The following SIGLEC12 variants were observed in gnomAD, a reference collection of about 807,000 sequenced individuals.
SIGLEC12 encodes sialic acid-binding Ig-like lectin 12.
A neutral mutation model predicts 54.1 loss-of-function variants in SIGLEC12; 43 were observed. The ratio of observed to expected loss-of-function variants is 0.80; its 90% confidence interval spans 0.62 to 1.03. SIGLEC12 has a LOEUF of 1.03. Among genes scored for constraint, SIGLEC12 ranks in the 50% least tolerant of loss-of-function variants. The probability of loss-of-function intolerance (pLI) is 0.00; values close to 1 mark genes in which losing one functional copy is unlikely to be tolerated. For synonymous variants in SIGLEC12, 357 were observed against 307.6 expected, an observed-to-expected ratio of 1.16 and a Z score of -1.68; for missense variants, 802 against 735.2, an observed-to-expected ratio of 1.09 and a Z score of -1.05.
rs1197446197 is a variant in SIGLEC12, at chr19:51,499,721, T to G, written c.809-5A>C. On this transcript the variant is annotated splice_region_variant and splice_polypyrimidine_tract_variant and intron_variant, in intron 2 of 7. Transcript: ENST00000291707. ...AGGTGGGCATGTGAGTCAGGGCTGG[T>G]GATGAAAGGGAGACAGGCAAAATGA... is the stretch of plus-strand genomic sequence containing the variant. 1.2e-6 allele frequency: 2 copies of G among 1,613,220 alleles called. No homozygotes were observed. The highest frequency in any genetic ancestry group is 1.7e-6 in the Non-Finnish European group (2 of 1,179,748).
chr19:51,497,850 C>T (rs1251926206), intron 5 of SIGLEC12, among the ~76,000 whole-genome samples, 168 bp downstream of exon 5: 14 of 152,182 alleles, frequency 9.2e-5, no homozygotes, highest in Non-Finnish European at 2.9e-5. Context: ...GTCCAGGCCC[C>T]AGCTCCTCCC....
chr19:51,496,933 C>A lies in SIGLEC12; in HGVS notation c.1546G>T (p.Val516Leu). The change falls in exon 7 of 8, where the codon GTG becomes TTG. Residue 516 changes from valine to leucine, a missense_variant. By Grantham distance (32) the Val-to-Leu change is conservative. Transcript: ENST00000291707. Reference protein sequence around the residue: ...RKKSARPAVGVGDTGMEDANA... With the variant: ...RKKSARPAVGLGDTGMEDANA... ...GCGTCCTCCATGCCTGTATCCCCCACGCCCACTGCTGGCCTTGCCGATTTC... is the reference window on the plus strand; with the variant it reads ...GCGTCCTCCATGCCTGTATCCCCCAAGCCCACTGCTGGCCTTGCCGATTTC... The A allele has an allele frequency of 1.9e-6, 3 of 1,613,750 alleles. No individual in the cohort carries two copies. The highest frequency in any genetic ancestry group is 2.5e-6 in the Non-Finnish European group (3 of 1,180,004).
At position 51,497,998 on chromosome 19, in the gene SIGLEC12, C is replaced by T; in HGVS notation, c.1405+20G>A. 2 of 1,613,628 alleles carry T rather than the reference C, an allele frequency of 1.2e-6. No individual in the cohort carries two copies. The highest frequency in any genetic ancestry group is 1.7e-6 in the Non-Finnish European group (2 of 1,179,666). On this transcript the variant is annotated intron_variant, in intron 5 of 7. Coordinates refer to ENST00000291707, the MANE Select transcript of SIGLEC12 (RefSeq NM_053003.4). Reference sequence around the variant, plus strand: ...GGTGGGACATGTGTGTTCTCCTCCTCCAGACCCTCCCCTACCCACCTGTGT... The same window carrying T: ...GGTGGGACATGTGTGTTCTCCTCCTTCAGACCCTCCCCTACCCACCTGTGT...
chr19:51,499,820 C>G, intron 2 of SIGLEC12, 100 bp downstream of exon 2: 1 of 1,552,048 alleles, frequency 6.4e-7, no homozygotes. Flanking sequence ...GCCAGATATG[C>G]TTCACCTCCA....
In SIGLEC12 at chr19:51,499,652, C is replaced by T. The variant is rs772013877; in HGVS notation, c.873G>A (p.Leu291=). 5.6e-6 allele frequency: 9 copies of T among 1,613,952 alleles called. No individual in the cohort carries two copies. The East Asian group carries it at 1.8e-4, about 32-fold the overall frequency. The change falls in exon 3 of 8, where the codon CTG becomes CTA. Residue 291 remains leucine (L), a synonymous_variant. Coordinates refer to ENST00000291707, the MANE Select transcript of SIGLEC12 (RefSeq NM_053003.4). Reference sequence around the variant, plus strand: ...CACAGGCCCAGGGCACAGAGCAGGTCAGGTTCCTGGGGTGGCCAGACTCCA... The same window carrying T: ...CACAGGCCCAGGGCACAGAGCAGGTTAGGTTCCTGGGGTGGCCAGACTCCA... The part of the protein sequence containing the change: ...GTLESGHPRN[L]TCSVPWACEQ...
intron 7 of SIGLEC12, among the ~76,000 whole-genome samples, chr19:51,493,576 A>T (rs988294054): frequency 1.3e-5 from 2 of 152,034 alleles, no homozygotes; most frequent in Non-Finnish European, 2.9e-5. Flanking sequence ...TTTTTTGCAC[A>T]ATCTTTTCTG....
chr19:51,499,920 C>T lies in SIGLEC12; in HGVS notation c.808G>A (p.Ala270Thr). 1 of 1,605,022 alleles carries T rather than the reference C, an allele frequency of 6.2e-7. No homozygotes were observed. Among genetic ancestry groups the T allele is most frequent in the Non-Finnish European group, 8.5e-7 (1 of 1,174,642 alleles). Reference protein sequence around the residue: ...IYDKLSVHVTALTHMPTFSIP... With the variant: ...IYDKLSVHVTTLTHMPTFSIP... ...GCTGGTCCTAGAGCCAGAGATTTAC[C>T]TGTCACATGCACAGAGAGCTTGTCA... is the stretch of plus-strand genomic sequence containing the variant. The change falls in exon 2 of 8, where the codon GCC (alanine) becomes ACC (threonine). Residue 270 changes from alanine (A) to threonine (T), a missense_variant and splice_region_variant. By Grantham distance (58) the Ala-to-Thr change is moderately conservative. Coordinates refer to ENST00000291707, the MANE Select transcript of SIGLEC12 (RefSeq NM_053003.4).
chr19:51,491,624 T>G lies in SIGLEC12; in HGVS notation c.*17A>C, dbSNP rs766361523. ...GGGGTCGTGAGCCCTCAAACAGGCC[T>G]GAGTCTCTGCAGTTTCTCACTTGGG... On this transcript the variant is annotated 3_prime_UTR_variant, in exon 8 of 8. Coordinates refer to ENST00000291707, the MANE Select transcript of SIGLEC12 (RefSeq NM_053003.4). The G allele has an allele frequency of 1.2e-6, 2 of 1,613,594 alleles. No homozygotes were observed. The highest frequency in any genetic ancestry group is 8.5e-7 in the Non-Finnish European group (1 of 1,179,700).
chr19:51,497,128 C>G (rs1328418901), intron 6 of SIGLEC12, 152 bp from the exon 7 acceptor site: 2 of 1,300,298 alleles, frequency 1.5e-6, no homozygotes, highest in African/African-American at 3.0e-5. Context: ...ATGTCGAAAA[C>G]AGAGGCTCTT....
At chr19:51,496,091 A>G (rs1315363954) in intron 7 of SIGLEC12, among the ~76,000 whole-genome samples, 1 of 152,230 alleles carries the variant, frequency 6.6e-6, no homozygotes, top group Non-Finnish European at 1.5e-5. Context: ...CCCAGAGCAC[A>G]AAATTAAAAG....
chr19:51,500,962 G>T (rs1009782854), intron 1 of SIGLEC12, among the ~76,000 whole-genome samples: 2 of 152,144 alleles, frequency 1.3e-5, no homozygotes, highest in Non-Finnish European at 2.9e-5. Flanking sequence ...GGGTGGGGTG[G>T]GTGCTTCTGG....
At position 51,501,707 on chromosome 19, in the gene SIGLEC12, T is replaced by C. The variant is rs1990403784; in HGVS notation, c.27A>G (p.Pro9=). MLLLLLLL[P]PLLCGRVGAK... is the part of the protein sequence containing the mutation. ...CCCCCACTCTCCCACAGAGCAGGGG[T>C]GGCAGCAGTAGCAGCAGCAGTAGCA... The change falls in exon 1 of 8, where the codon CCA becomes CCG. Residue 9 remains proline (P), a synonymous_variant. Coordinates refer to ENST00000291707, the MANE Select transcript of SIGLEC12 (RefSeq NM_053003.4). 1.2e-6 allele frequency: 2 copies of C among 1,610,900 alleles called. No individual in the cohort carries two copies. The highest frequency in any genetic ancestry group is 3.3e-5 in the Admixed American group (2 of 59,864).
In SIGLEC12 at chr19:51,501,798, A is replaced by C; in HGVS notation, c.-65T>G. The C allele has an allele frequency of 6.8e-7, 1 of 1,470,408 alleles. No individual in the cohort carries two copies. The highest frequency in any genetic ancestry group is 9.1e-7 in the Non-Finnish European group (1 of 1,104,620). 91.1% of individuals were successfully genotyped at this position (1,470,408 alleles called of 1,614,324 possible). ...GTTCCTCAGGGTTCTTCTCTCAGGA[A>C]CTGAGAACTCAAGATTTCGAGGAAG... is the stretch of plus-strand genomic sequence containing the variant. On this transcript the variant is annotated 5_prime_UTR_variant, in exon 1 of 8. Coordinates refer to ENST00000291707, the MANE Select transcript of SIGLEC12 (RefSeq NM_053003.4).
rs1413685468 is a variant in SIGLEC12, at chr19:51,495,351, GGACA to G, written c.1599+1525_1599+1528del. Reference sequence around the variant, plus strand: ...TGGATGGATGGATGGATGGATGGATGGACAGACGGGTGGGTGGATGGATGGATGG... The same window carrying G: ...TGGATGGATGGATGGATGGATGGATGGACGGGTGGGTGGATGGATGGATGG... On this transcript the variant is annotated intron_variant, in intron 7 of 7. Transcript: ENST00000291707. 6.2e-3 allele frequency among the ~76,000 whole-genome samples: 522 copies of G among 84,478 alleles called. 32 individuals are homozygous for G. The highest frequency in any genetic ancestry group is 0.014 in the African/African-American group (319 of 23,314). 55.4% of individuals were successfully genotyped at this position (84,478 alleles called of 152,430 possible). A position where few individuals can be genotyped will look rare whatever the true frequency, so the allele number is the denominator to read the frequency against.
chr19:51,498,211 G>A lies in SIGLEC12; in HGVS notation c.1212C>T (p.Asp404=). 6.2e-7 allele frequency: 1 copy of A among 1,614,170 alleles called. No homozygotes were observed. The highest frequency in any genetic ancestry group is 8.5e-7 in the Non-Finnish European group (1 of 1,179,996). Residue 404 remains aspartate (D), a synonymous_variant, in exon 5 of 8, where the codon GAC becomes GAT. Coordinates refer to ENST00000291707, the MANE Select transcript of SIGLEC12 (RefSeq NM_053003.4). ...AGCTCAGCCTGGCAGGGGGATTGCTGTCGACAGCACAGACAAGGTGCAGGG... is the reference window on the plus strand; with the variant it reads ...AGCTCAGCCTGGCAGGGGGATTGCTATCGACAGCACAGACAAGGTGCAGGG... ...GQSLHLVCAV[D]SNPPARLSWT... is the part of the protein sequence containing the mutation.
rs1245078229 is a variant in SIGLEC12, at chr19:51,501,797, A to C, written c.-64T>G. 3 of 1,471,466 alleles carry C rather than the reference A, an allele frequency of 2.0e-6. No homozygotes were observed. Among genetic ancestry groups the C allele is most frequent in the Admixed American group, 4.7e-5 (2 of 42,302 alleles). The allele number at this position is 1,471,466 out of a possible 1,614,324, so 91.2% of individuals were successfully genotyped here. A position where few individuals can be genotyped will look rare whatever the true frequency, so the allele number is the denominator to read the frequency against. On this transcript the variant is annotated 5_prime_UTR_variant, in exon 1 of 8. Coordinates refer to ENST00000291707, the MANE Select transcript of SIGLEC12 (RefSeq NM_053003.4). Reference sequence around the variant, plus strand: ...TGTTCCTCAGGGTTCTTCTCTCAGGAACTGAGAACTCAAGATTTCGAGGAA... The same window carrying C: ...TGTTCCTCAGGGTTCTTCTCTCAGGCACTGAGAACTCAAGATTTCGAGGAA...
In SIGLEC12 at chr19:51,501,317, C is replaced by T. The variant is rs1568532731; in HGVS notation, c.417G>A (p.Val139=). The T allele has an allele frequency of 6.2e-7, 1 of 1,614,018 alleles. No individual in the cohort carries two copies. Residue 139 remains valine, a synonymous_variant, in exon 1 of 8, where the codon GTG becomes GTA. Coordinates refer to ENST00000291707, the MANE Select transcript of SIGLEC12 (RefSeq NM_053003.4). ...GAGCCCGTGCCTTACCTGTCACATT[C>T]ACAGAGAGCTGGTCATATTTATAAT... ...KWNYKYDQLS[V]NVTASQDLLS... is the part of the protein sequence containing the mutation.
chr19:51,497,443 T>C lies in SIGLEC12; in HGVS notation c.1408A>G (p.Lys470Glu). The change falls in exon 6 of 8, where the codon AAA (lysine) becomes GAA (glutamate). Residue 470 changes from lysine to glutamate, a missense_variant and splice_region_variant. Lys to Glu is a moderately conservative substitution (Grantham distance 56). Coordinates refer to ENST00000291707, the MANE Select transcript of SIGLEC12 (RefSeq NM_053003.4). ...SLSLQNEYTGKMRPISGVTLG... is the reference protein window; with the variant it reads ...SLSLQNEYTGEMRPISGVTLG... ...GTCACTCCTGATATAGGCCTCATTTTGCCTGAGGATGGATTGGAGTTGTTT... is the reference window on the plus strand; with the variant it reads ...GTCACTCCTGATATAGGCCTCATTTCGCCTGAGGATGGATTGGAGTTGTTT... The C allele has an allele frequency of 6.2e-7, 1 of 1,609,290 alleles. No homozygotes were observed. Among genetic ancestry groups the C allele is most frequent in the East Asian group, 2.2e-5 (1 of 44,732 alleles).
Position 51,501,537 on chromosome 19 carries a change from G to GA in SIGLEC12, c.196_197insT (p.Ala66ValfsTer50). On this transcript the variant is annotated frameshift_variant, in exon 1 of 8. Coordinates refer to ENST00000291707, the MANE Select transcript of SIGLEC12 (RefSeq NM_053003.4). LOFTEE classifies it high-confidence loss of function. ...AATGTTCCGGCTTACATGGTCCCCT[G>GA]CCCGGAACCAGTAGCCATGAACTGG... 3 of 1,613,400 alleles carry GA rather than the reference G, an allele frequency of 1.9e-6. No homozygotes were observed. The highest frequency in any genetic ancestry group is 2.5e-6 in the Non-Finnish European group (3 of 1,179,846).
Sources: gnomAD v4.1 joint callset for allele counts (sites outside exome capture counted in the v4.1 genomes callset) on GRCh38, gnomAD v4.1.1 for gene constraint, MANE v1.5 for transcripts, NCBI Gene and HGNC (gene_info 2026-07-23, HGNC 2026-07-21) for gene names.